Variants in KPNA1 observed in about 807,000 individuals in gnomAD.
KPNA1 encodes importin subunit alpha-5.
A neutral mutation model predicts 70.5 loss-of-function variants in KPNA1; 10 were observed. The ratio of observed to expected loss-of-function variants is 0.14; its 90% CI spans 0.09 to 0.24. The LOEUF (loss-of-function observed/expected upper bound fraction) is 0.24, where lower values mean the gene tolerates loss of function less well. KPNA1 is among the 10% of genes least tolerant of loss of function. The probability of loss-of-function intolerance (pLI) is 1.00; values close to 1 mark genes in which losing one functional copy is unlikely to be tolerated. For missense variants in KPNA1, 397 were observed against 637.9 expected (o/e 0.62, Z 4.07); for synonymous variants, 192 against 221.9 (o/e 0.87, Z 1.20).
chr3:122,485,125 G>GT (rs2076615173), intron 2 of KPNA1, among the ~76,000 whole-genome samples: 1 of 152,060 alleles, frequency 6.6e-6, no homozygotes, highest in Non-Finnish European at 1.5e-5. Context: ...CCTTACCCAG[G>GT]CTGGTCTCAA....
At chr3:122,473,287 T>TATA in intron 2 of KPNA1, among the ~76,000 whole-genome samples, 1 of 152,280 alleles carries the variant, frequency 6.6e-6, no homozygotes, top group African/African-American at 2.4e-5. Context: ...TGGTGAATTT[T>TATA]ATAAAACATT....
Position 122,449,632 on chromosome 3 carries a change from C to A in KPNA1, c.859G>T (p.Asp287Tyr). 1 of 1,613,896 alleles carries A rather than the reference C, an allele frequency of 6.2e-7. No individual in the cohort carries two copies. Among genetic ancestry groups the A allele is most frequent in the South Asian group, 1.1e-5 (1 of 91,014 alleles). Residue 287 changes from aspartate to tyrosine, a missense_variant, in exon 9 of 14, where the codon GAT (aspartate) becomes TAT (tyrosine). Coordinates refer to ENST00000344337, the MANE Select transcript of KPNA1 (RefSeq NM_002264.4). ...ALSYLSDGPN[D>Y]KIQAVIDAGV... ...GCATCGATGACCGCTTGAATTTTATCATTGGGTCCATCTGATAGATATGAG... is the reference window on the plus strand; with the variant it reads ...GCATCGATGACCGCTTGAATTTTATAATTGGGTCCATCTGATAGATATGAG...
chr3:122,499,453 T>C lies in KPNA1; in HGVS notation c.-5-2883A>G, dbSNP rs887040928. Among the ~76,000 whole-genome samples, 17 of 151,994 alleles carry C rather than the reference T, an allele frequency of 1.1e-4. 1 individual carries two copies. Among genetic ancestry groups the C allele is most frequent in the Non-Finnish European group, 1.5e-5 (1 of 67,978 alleles). ...ATATCACAATGTGATTTTTTTTTCT[T>C]TTTTTTTAACAGACAAGGGACGGGT... On this transcript the variant is annotated intron_variant, in intron 1 of 13. Coordinates refer to ENST00000344337, the MANE Select transcript of KPNA1 (RefSeq NM_002264.4).
intron 3 of KPNA1, among the ~76,000 whole-genome samples, chr3:122,466,556 C>A (rs1445661416): frequency 6.6e-6 from 1 of 151,896 alleles, no homozygotes; most frequent in Admixed American, 6.6e-5. Context: ...CTAATCCATA[C>A]AAATAAAGCA....
At chr3:122,503,108 G>A (rs1042237974) in intron 1 of KPNA1, among the ~76,000 whole-genome samples, 4 of 151,942 alleles carry the variant, frequency 2.6e-5, no homozygotes, top group African/African-American at 9.7e-5. Context: ...TTAAGTTTCA[G>A]TTTCAGGTCA....
At chr3:122,462,012 A>G (rs1047530693) in intron 4 of KPNA1, among the ~76,000 whole-genome samples, 7 of 152,226 alleles carry the variant, frequency 4.6e-5, no homozygotes, top group Non-Finnish European at 1.0e-4. Flanking sequence ...TTCTTACCCA[A>G]GTCGATGGCC....
intron 2 of KPNA1, among the ~76,000 whole-genome samples, chr3:122,469,029 A>T (rs2076412564): frequency 6.6e-6 from 1 of 152,224 alleles, no homozygotes; most frequent in South Asian, 2.1e-4. Context: ...GAAATATTTG[A>T]CACAATAATG....
rs2076317980 is a variant in KPNA1 at position 122,461,016 on chromosome 3, A to T, written c.432+208T>A. On this transcript the variant is annotated intron_variant, in intron 5 of 13. Coordinates refer to ENST00000344337, the MANE Select transcript of KPNA1 (RefSeq NM_002264.4). ...TCCACAATCATAAACATTTTAAATG[A>T]TTAAAAATTATAATAATAATAAAGA... is the stretch of plus-strand genomic sequence containing the variant. Among the ~76,000 whole-genome samples the T allele has an allele frequency of 5.9e-5, 9 of 152,160 alleles. No individual in the cohort carries two copies. In the South Asian group the frequency reaches 1.7e-3, roughly 28 times the overall value.
At chr3:122,504,409 G>C (rs932174448) in intron 1 of KPNA1, among the ~76,000 whole-genome samples, 5 of 152,102 alleles carry the variant, frequency 3.3e-5, no homozygotes, top group African/African-American at 1.2e-4. Flanking sequence ...TCACCCAAAG[G>C]CCTCATCTTC....
intron 2 of KPNA1, among the ~76,000 whole-genome samples, chr3:122,484,928 C>T (rs774023805): frequency 2.2e-4 from 34 of 152,182 alleles, no homozygotes; most frequent in African/African-American, 8.2e-4. Flanking sequence ...GATGAGATCT[C>T]GCTTTGACGC....
chr3:122,428,626 A>C (rs1436613265), intron 12 of KPNA1, among the ~76,000 whole-genome samples: 3 of 152,240 alleles, frequency 2.0e-5, no homozygotes, highest in Non-Finnish European at 4.4e-5. Context: ...TTGATCATTC[A>C]GATGATAAAA....
intron 1 of KPNA1, among the ~76,000 whole-genome samples, chr3:122,512,850 A>T (rs1240399320): frequency 6.6e-6 from 1 of 152,236 alleles, no homozygotes; most frequent in Non-Finnish European, 1.5e-5. Context: ...TAAACTCCTC[A>T]AGGCTTATGT....
chr3:122,491,850 A>AT (rs67916227), intron 2 of KPNA1, among the ~76,000 whole-genome samples: 11,660 of 64,976 alleles, frequency 0.18, 2,614 homozygotes, highest in Non-Finnish European at 0.23. Flanking sequence ...TGACCATCAC[A>AT]TTTTTTTTTT....
chr3:122,498,568 T>C (rs556486037), intron 1 of KPNA1, among the ~76,000 whole-genome samples: 10 of 152,356 alleles, frequency 6.6e-5, no homozygotes, highest in African/African-American at 1.7e-4. Flanking sequence ...TACATATATA[T>C]AGTTTAATTT....
At chr3:122,460,019 G>C in intron 5 of KPNA1, 10 of 985,232 alleles carry the variant, frequency 1.0e-5, no homozygotes, top group Non-Finnish European at 1.2e-5. Flanking sequence ...CAAGGGGTGG[G>C]GGATATCTTT....
chr3:122,492,160 C>T (rs1253922019), intron 2 of KPNA1, among the ~76,000 whole-genome samples: 4 of 152,008 alleles, frequency 2.6e-5, no homozygotes, highest in Admixed American at 6.6e-5. Flanking sequence ...GTGCCCGGCC[C>T]GACCATCACA....
At chr3:122,480,784 C>T (rs914282284) in intron 2 of KPNA1, among the ~76,000 whole-genome samples, 1 of 151,836 alleles carries the variant, frequency 6.6e-6, no homozygotes, top group Non-Finnish European at 1.5e-5. Flanking sequence ...GCCAGGAGTT[C>T]GAGACCAGCC....
intron 2 of KPNA1, among the ~76,000 whole-genome samples, chr3:122,477,267 G>A (rs925491089): frequency 1.3e-5 from 2 of 152,178 alleles, no homozygotes; most frequent in Non-Finnish European, 2.9e-5. Flanking sequence ...TAAGTGTGGA[G>A]GGCTGGGGAC....
At chr3:122,459,714 T>C (rs2076301220) in intron 5 of KPNA1, 1 of 985,372 alleles carries the variant, frequency 1.0e-6, no homozygotes, top group South Asian at 4.7e-5. Context: ...CAAATGAGCA[T>C]GGGAACTGGT....
Sources: gnomAD v4.1 joint callset for allele counts (sites outside exome capture counted in the v4.1 genomes callset) on GRCh38, gnomAD v4.1.1 for gene constraint, MANE v1.5 for transcripts, NCBI Gene and HGNC (gene_info 2026-07-23, HGNC 2026-07-21) for gene names.